HEPH: variants seen among roughly 807,000 people sequenced by gnomAD.
HEPH encodes the protein hephaestin.
A neutral mutation model predicts 80.8 loss-of-function variants in HEPH; 69 were observed. That is an observed-to-expected ratio of 0.85 (90% confidence interval 0.70 to 1.04). The LOEUF is 1.04. HEPH is among the 50% of genes least tolerant of loss of function. The pLI, the probability that HEPH is intolerant of heterozygous loss-of-function variation, is 0.00. For missense variants in HEPH, 1,115 were observed against 891.3 expected (o/e 1.25, Z -3.20); for synonymous variants, 431 against 322.8 (o/e 1.34, Z -3.60).
At chrX:66,164,093 CAGCAAAGACCAATT>C, upstream of HEPH, 1 of 356,198 alleles carries the variant, frequency 2.8e-6, no homozygotes, top group East Asian at 2.1e-4. Context: ...GTTCTCCTCT[CAGCAAAGACCAATT>C]AGCAAGTCCT....
At chrX:66,262,178 A>G (rs773086963) in intron 19 of HEPH, among the ~76,000 whole-genome samples, 1 of 112,386 alleles carries the variant, frequency 8.9e-6, no homozygotes, top group South Asian at 3.7e-4. Context: ...ACAGGAAGGA[A>G]GAGTTGAAAA....
At chrX:66,246,438 T>C (rs1341660989) in intron 15 of HEPH, among the ~76,000 whole-genome samples, 1 of 111,401 alleles carries the variant, frequency 9.0e-6, no homozygotes, top group Non-Finnish European at 1.9e-5. Flanking sequence ...TCTTACTCCT[T>C]CTAGGCACCA....
chrX:66,266,817 C>A lies in HEPH; in HGVS notation c.*145C>A, dbSNP rs1249969244. On this transcript the variant is annotated 3_prime_UTR_variant, in exon 21 of 21. Transcript: ENST00000343002. ...ATCAAGCTTATCTGGATATTTCTTT[C>A]TTTATTTATTTTACATGGAAATAAT... 19 of 432,675 alleles carry A rather than the reference C, an allele frequency of 4.4e-5. No homozygotes were observed. The highest frequency in any genetic ancestry group is 3.4e-4 in the East Asian group (9 of 26,510). 35.7% of individuals were successfully genotyped at this position (432,675 alleles called of 1,213,427 possible).
intron 12 of HEPH, among the ~76,000 whole-genome samples, chrX:66,202,325 G>A (rs1167785498): frequency 8.9e-6 from 1 of 112,018 alleles, no homozygotes; most frequent in Admixed American, 9.4e-5. Context: ...GGTGGAACTG[G>A]ATTGGTAGTT....
rs2091186139 is a variant in HEPH at position 66,256,446 on chromosome X, G to A, written c.2896+116G>A. 5.8e-6 allele frequency: 3 copies of A among 514,330 alleles called. No individual in the cohort carries two copies. In the East Asian group the frequency reaches 1.1e-4, roughly 19 times the overall value. 42.4% of individuals were successfully genotyped at this position (514,330 alleles called of 1,213,427 possible). On this transcript the variant is annotated intron_variant, in intron 17 of 20. Coordinates refer to ENST00000343002, the MANE Select transcript of HEPH (RefSeq NM_001367233.3). ...TAATCCCAGAGAGGACACGAACATGGGAAGGTGAAATGGGGATGAGTTAGA... is the reference window on the plus strand; with the variant it reads ...TAATCCCAGAGAGGACACGAACATGAGAAGGTGAAATGGGGATGAGTTAGA...
intron 16 of HEPH, among the ~76,000 whole-genome samples, chrX:66,255,505 C>T (rs1330717368): frequency 1.8e-5 from 2 of 111,560 alleles, no homozygotes; most frequent in African/African-American, 3.3e-5. Flanking sequence ...TTAGAGTGAC[C>T]TTAAATAAGT....
At chrX:66,207,151 G>A (rs755566749) in intron 13 of HEPH, 44 bp from the exon 14 acceptor site, 4 of 1,176,278 alleles carry the variant, frequency 3.4e-6, no homozygotes, top group Admixed American at 4.5e-5. Flanking sequence ...TGAAAATGAG[G>A]GGTTGATGGC....
intron 11 of HEPH, among the ~76,000 whole-genome samples, chrX:66,199,605 G>GA (rs773691980): frequency 7.2e-5 from 8 of 111,435 alleles, no homozygotes; most frequent in East Asian, 2.8e-4. Flanking sequence ...CATAGATATA[G>GA]AAAAAAAATG....
In HEPH at chrX:66,164,503, C is replaced by A. The variant is rs752319170; in HGVS notation, c.-14+33C>A. 5.4e-6 allele frequency: 4 copies of A among 744,699 alleles called. No individual in the cohort carries two copies. In the African/African-American group the frequency reaches 9.3e-5, roughly 17 times the overall value. 61.4% of individuals were successfully genotyped at this position (744,699 alleles called of 1,213,427 possible). ...TTCTTTTCTCTCTTTTCAAACTCTACCTCACCTGCCTTCCTGTGCAAAAAC... is the reference window on the plus strand; with the variant it reads ...TTCTTTTCTCTCTTTTCAAACTCTAACTCACCTGCCTTCCTGTGCAAAAAC... On this transcript the variant is annotated intron_variant, in intron 1 of 20. Coordinates refer to ENST00000343002, the MANE Select transcript of HEPH (RefSeq NM_001367233.3).
At chrX:66,207,107 T>C in intron 13 of HEPH, 88 bp from the exon 14 acceptor site, 8 of 816,811 alleles carry the variant, frequency 9.8e-6, no homozygotes, top group Non-Finnish European at 1.3e-5. Context: ...GACATGAAGC[T>C]GGTTCTGACT....
chrX:66,260,740 G>A (rs2091334423), intron 19 of HEPH, among the ~76,000 whole-genome samples: 3 of 110,894 alleles, frequency 2.7e-5, no homozygotes, highest in Non-Finnish European at 3.8e-5. Flanking sequence ...TGTTCTATGG[G>A]GTTGTGAAAG....
intron 12 of HEPH, among the ~76,000 whole-genome samples, chrX:66,202,131 A>G (rs980198235): frequency 8.9e-6 from 1 of 111,779 alleles, no homozygotes; most frequent in Non-Finnish European, 1.9e-5. Context: ...AGAAACATGA[A>G]TTGAGTCTTG....
intron 12 of HEPH, among the ~76,000 whole-genome samples, chrX:66,202,467 G>C (rs986148851): frequency 9.0e-6 from 1 of 111,696 alleles, no homozygotes; most frequent in African/African-American, 3.3e-5. Context: ...GATCGACATT[G>C]AGTTTGAGTA....
chrX:66,225,042 C>T (rs1569360103), intron 15 of HEPH, among the ~76,000 whole-genome samples: 2 of 110,118 alleles, frequency 1.8e-5, no homozygotes, highest in African/African-American at 6.6e-5. Context: ...CAGCTGTAAC[C>T]AAGTGTCTAT....
intron 4 of HEPH, among the ~76,000 whole-genome samples, chrX:66,174,186 A>G (rs976158062): frequency 2.7e-5 from 3 of 109,959 alleles, no homozygotes; most frequent in East Asian, 2.9e-4. Context: ...CCAAATCCCC[A>G]AAGTCCATTG....
intron 15 of HEPH, among the ~76,000 whole-genome samples, chrX:66,225,781 T>G (rs1014719949): frequency 4.4e-5 from 5 of 112,877 alleles, no homozygotes; most frequent in African/African-American, 1.6e-4. Flanking sequence ...CTAAGCCGCC[T>G]AAGGGGCTGC....
At chrX:66,222,360 C>A (rs1260933536) in intron 15 of HEPH, among the ~76,000 whole-genome samples, 3 of 112,305 alleles carry the variant, frequency 2.7e-5, no homozygotes, top group Non-Finnish European at 5.6e-5. Context: ...GACTGGAGGA[C>A]CACCTTAGTG....
At chrX:66,191,970 A>C (rs752966027) in intron 6 of HEPH, among the ~76,000 whole-genome samples, 160 bp from the exon 7 acceptor site, 1 of 111,692 alleles carries the variant, frequency 9.0e-6, no homozygotes, top group Non-Finnish European at 1.9e-5. Flanking sequence ...TCTCTCAGCC[A>C]TGCACTTTAA....
chrX:66,164,498 C>G, intron 1 of HEPH, 28 bp downstream of exon 1: 9 of 748,732 alleles, frequency 1.2e-5, no homozygotes, highest in Non-Finnish European at 1.3e-5. Context: ...TCTTTTCAAA[C>G]TCTACCTCAC....
Sources: gnomAD v4.1 joint callset for allele counts (sites outside exome capture counted in the v4.1 genomes callset) on GRCh38, gnomAD v4.1.1 for gene constraint, MANE v1.5 for transcripts, NCBI Gene and HGNC (gene_info 2026-07-23, HGNC 2026-07-21) for gene names.